The following BDNF variants were observed in gnomAD, a reference collection of about 807,000 sequenced individuals.
BDNF encodes the protein brain derived neurotrophic factor, also known as neurotrophic factor BDNF precursor form.
Under a neutral mutation model 19.5 loss-of-function variants are expected in BDNF, and 1 was observed. The observed-to-expected ratio is 0.05, with a 90% CI of 0.02 to 0.24. The LOEUF is 0.24. Ranked by LOEUF, BDNF falls within the 10% of genes least tolerant of loss-of-function variation. The pLI, the probability that BDNF is intolerant of heterozygous loss-of-function variation, is 1.00. For missense variants in BDNF, 195 were observed against 317.6 expected (o/e 0.61, Z 2.93); for synonymous variants, 100 against 121.6 (o/e 0.82, Z 1.17).
At chr11:27,699,128 G>A (rs1406051917) in intron 1 of BDNF, among the ~76,000 whole-genome samples, 2 of 150,722 alleles carry the variant, frequency 1.3e-5, no homozygotes, top group Non-Finnish European at 3.0e-5. Flanking sequence ...TGGCAGCATG[G>A]CCGGCAGAGG....
At chr11:27,681,730 A>G (rs1856849202) in intron 1 of BDNF, among the ~76,000 whole-genome samples, 1 of 152,180 alleles carries the variant, frequency 6.6e-6, no homozygotes, top group African/African-American at 2.4e-5. Context: ...TAAAAAAAGT[A>G]TCTTTTTGGG....
At chr11:27,666,737 T>C (rs993285748) in intron 1 of BDNF, among the ~76,000 whole-genome samples, 2 of 151,988 alleles carry the variant, frequency 1.3e-5, no homozygotes, top group Non-Finnish European at 2.9e-5. Context: ...TAAAAAGAAA[T>C]GAACAAAGCC....
At chr11:27,660,321 A>T (rs1040461461) in intron 1 of BDNF, 1 of 849,936 alleles carries the variant, frequency 1.2e-6, no homozygotes, top group Non-Finnish European at 1.7e-6. Flanking sequence ...CTTTGCACGA[A>T]TAGCAAACAT....
intron 1 of BDNF, among the ~76,000 whole-genome samples, chr11:27,708,145 ACTGGC>A (rs1221981140): frequency 6.6e-6 from 1 of 152,284 alleles, no homozygotes; most frequent in East Asian, 1.9e-4. Context: ...ATGACCATCC[ACTGGC>A]CTTTTTAATT....
In BDNF at chr11:27,658,645, G is replaced by A. The variant is rs1852892118; in HGVS notation, c.-21-60C>T. On this transcript the variant is annotated intron_variant, in intron 1 of 1. Transcript: ENST00000356660. The surrounding 1 kb of genome is among the most constrained non-coding windows in gnomAD (Gnocchi z 5.7). ...GGTTAGGGCTTTCTTTCACCGGGATGCCATGTGGCCCATCTGATTGTAATT... is the reference window on the plus strand; with the variant it reads ...GGTTAGGGCTTTCTTTCACCGGGATACCATGTGGCCCATCTGATTGTAATT... The A allele has an allele frequency of 6.2e-7, 1 of 1,613,590 alleles. No homozygotes were observed. The highest frequency in any genetic ancestry group is 1.7e-5 in the Admixed American group (1 of 59,996).
Position 27,657,340 on chromosome 11 carries a change from A to G in BDNF, c.*481T>C. On this transcript the variant is annotated 3_prime_UTR_variant, in exon 2 of 2. Transcript: ENST00000356660. This position sits in a 1 kb window ranked among gnomAD's most constrained non-coding sequence, Gnocchi z 5.0. The stretch of plus-strand genomic sequence containing the variant: ...GACAACAGCACCTTGACATTGTTTT[A>G]ATTCCAACGCTATCAGAAGTTAAAA... 1.0e-6 allele frequency: 1 copy of G among 997,594 alleles called. No individual in the cohort carries two copies. Among genetic ancestry groups the G allele is most frequent in the Non-Finnish European group, 1.2e-6 (1 of 836,766 alleles). The allele number at this position is 997,594 out of a possible 1,614,324, so 61.8% of individuals were successfully genotyped here. A position where few individuals can be genotyped will look rare whatever the true frequency, so the allele number is the denominator to read the frequency against.
intron 1 of BDNF, chr11:27,699,490 G>T: frequency 1.2e-6 from 2 of 1,613,860 alleles, no homozygotes; most frequent in South Asian, 2.2e-5. Context: ...TCCCTGGAGG[G>T]CGCTTCAGAA....
intron 1 of BDNF, among the ~76,000 whole-genome samples, chr11:27,669,924 G>T (rs1855051814): frequency 1.3e-5 from 2 of 152,062 alleles, no homozygotes; most frequent in African/African-American, 2.4e-5. Context: ...AGTTCATATG[G>T]AACCAAAAAA....
In BDNF at chr11:27,655,041, CAT is replaced by C. The variant is rs1262967908; in HGVS notation, c.*2778_*2779del. On this transcript the variant is annotated 3_prime_UTR_variant, in exon 2 of 2. Transcript: ENST00000356660. ...TTTTAATGCCAATTTTTTTCAATAA[CAT>C]AATTATATAAATATACTAAAATACA... is the stretch of plus-strand genomic sequence containing the variant. The C allele has an allele frequency of 4.6e-5, 7 of 152,130 alleles. No individual in the cohort carries two copies. The highest frequency in any genetic ancestry group is 1.9e-4 in the East Asian group (1 of 5,182). 9.4% of individuals were successfully genotyped at this position (152,130 alleles called of 1,614,324 possible).
upstream of BDNF, chr11:27,701,028 A>C: frequency 7.4e-7 from 1 of 1,360,210 alleles, no homozygotes; most frequent in Non-Finnish European, 9.8e-7. Context: ...ATGAAATCGC[A>C]CAGAGCATGG....
intron 1 of BDNF, among the ~76,000 whole-genome samples, chr11:27,686,461 G>A (rs1857498412): frequency 2.6e-5 from 4 of 152,080 alleles, no homozygotes; most frequent in Non-Finnish European, 5.9e-5. Context: ...TGGTTATTTT[G>A]CCCATTAGTT....
intron 1 of BDNF, among the ~76,000 whole-genome samples, chr11:27,712,399 G>A (rs772140353): frequency 6.6e-6 from 1 of 151,874 alleles, no homozygotes. Context: ...CTTATTTAAT[G>A]TATTAAAAAG....
At chr11:27,710,872 A>G (rs1338030207) in intron 1 of BDNF, among the ~76,000 whole-genome samples, 1 of 152,230 alleles carries the variant, frequency 6.6e-6, no homozygotes, top group African/African-American at 2.4e-5. Context: ...GCCCTAAACA[A>G]GTTAAGAAAG....
intron 1 of BDNF, among the ~76,000 whole-genome samples, chr11:27,681,544 G>A (rs910605195): frequency 6.6e-6 from 1 of 152,074 alleles, no homozygotes; most frequent in African/African-American, 2.4e-5. Flanking sequence ...TTCCAGCTAG[G>A]TCTTGAAGAA....
At chr11:27,661,542 C>T (rs774839247) in intron 1 of BDNF, among the ~76,000 whole-genome samples, 31 of 152,154 alleles carry the variant, frequency 2.0e-4, no homozygotes, top group Non-Finnish European at 4.1e-4. Context: ...CACAACGTCC[C>T]GATGCTGTAT....
In BDNF at chr11:27,656,391, G is replaced by T; in HGVS notation, c.*1430C>A. On this transcript the variant is annotated 3_prime_UTR_variant, in exon 2 of 2. Coordinates refer to ENST00000356660, the MANE Select transcript of BDNF (RefSeq NM_001709.5). ...GGTCCTCCAGTCGAGAACCTCTTGA[G>T]CACAGTTAGATAATGTAGGCACTTA... 2 of 298,484 alleles carry T rather than the reference G, an allele frequency of 6.7e-6. No individual in the cohort carries two copies. Among genetic ancestry groups the T allele is most frequent in the Non-Finnish European group, 5.0e-6 (1 of 201,564 alleles). The allele number at this position is 298,484 out of a possible 1,614,324, so 18.5% of individuals were successfully genotyped here.
chr11:27,659,863 G>A (rs781240882), intron 1 of BDNF, among the ~76,000 whole-genome samples: 25 of 152,142 alleles, frequency 1.6e-4, no homozygotes, highest in Non-Finnish European at 2.8e-4. Flanking sequence ...GCATGCTCTA[G>A]GAAGCCAATT....
chr11:27,671,526 T>C (rs1251824531), intron 1 of BDNF, among the ~76,000 whole-genome samples: 1 of 152,158 alleles, frequency 6.6e-6, no homozygotes, highest in Non-Finnish European at 1.5e-5. Context: ...ATGAAATTGA[T>C]TTCATGCAAC....
chr11:27,720,903 T>TTTCAC (rs1288429675), intron 1 of BDNF: 1 of 442,990 alleles, frequency 2.3e-6, no homozygotes, highest in Non-Finnish European at 3.0e-6. Flanking sequence ...GGATTACCCA[T>TTTCAC]TACCGGTGAT....
Sources: gnomAD v4.1 joint callset for allele counts (sites outside exome capture counted in the v4.1 genomes callset) on GRCh38, gnomAD v4.1.1 for gene constraint, Gnocchi (gnomAD v3.1) non-coding constraint, MANE v1.5 for transcripts, NCBI Gene and HGNC (gene_info 2026-07-23, HGNC 2026-07-21) for gene names.